Variants in NCAPH observed in about 807,000 individuals in gnomAD.
NCAPH encodes condensin complex subunit 2.
NCAPH carries 38 observed loss-of-function variants against 85.5 expected under a neutral mutation model. The ratio of observed to expected loss-of-function variants is 0.44; its 90% CI spans 0.34 to 0.58. The LOEUF (loss-of-function observed/expected upper bound fraction) is 0.58, where lower values mean the gene tolerates loss of function less well. Ranked by LOEUF, NCAPH falls within the 20% of genes least tolerant of loss-of-function variation. NCAPH has a pLI of 0.01. For synonymous variants in NCAPH, 301 were observed against 335.1 expected, an observed-to-expected ratio of 0.90 and a Z score of 1.11; for missense variants, 789 against 916.6, an observed-to-expected ratio of 0.86 and a Z score of 1.80.
At chr2:96,369,324 C>T in intron 16 of NCAPH, 101 bp from the exon 17 acceptor site, 1 of 1,034,352 alleles carries the variant, frequency 9.7e-7, no homozygotes, top group Non-Finnish European at 1.5e-6. Flanking sequence ...ATTTGTTTCT[C>T]ATTAGTTTAG....
chr2:96,369,188 G>A, intron 16 of NCAPH, 125 bp downstream of exon 16: 1 of 1,066,282 alleles, frequency 9.4e-7, no homozygotes, highest in Non-Finnish European at 1.4e-6. Context: ...TTCTCTCTGT[G>A]TTGACAGATA....
intron 6 of NCAPH, among the ~76,000 whole-genome samples, chr2:96,345,531 T>C (rs144359909): frequency 2.5e-3 from 388 of 152,320 alleles, no homozygotes; most frequent in African/African-American, 9.0e-3. Context: ...AAAGGAGCAG[T>C]GCCTTCTCTC....
chr2:96,350,985 C>T (rs748890979), intron 6 of NCAPH, among the ~76,000 whole-genome samples: 3 of 152,228 alleles, frequency 2.0e-5, no homozygotes, highest in Non-Finnish European at 4.4e-5. Flanking sequence ...GGCTTGGTGT[C>T]ATATGGCCAT....
At chr2:96,343,936 A>C (rs2064329564) in intron 5 of NCAPH, among the ~76,000 whole-genome samples, 169 bp from the exon 6 acceptor site, 1 of 152,168 alleles carries the variant, frequency 6.6e-6, no homozygotes, top group South Asian at 2.1e-4. Flanking sequence ...TCCTGAGCTC[A>C]AGTGATCCGT....
chr2:96,366,647 G>C (rs2064703162), intron 14 of NCAPH, among the ~76,000 whole-genome samples: 1 of 152,150 alleles, frequency 6.6e-6, no homozygotes, highest in South Asian at 2.1e-4. Context: ...GGGAGGCCAA[G>C]GCGGGCAGAT....
intron 6 of NCAPH, among the ~76,000 whole-genome samples, chr2:96,350,859 G>GT (rs763384832): frequency 6.6e-6 from 1 of 152,154 alleles, no homozygotes; most frequent in Non-Finnish European, 1.5e-5. Flanking sequence ...ATACCCAACC[G>GT]TATCTCCTGT....
chr2:96,352,634 T>C (rs1211395632), intron 7 of NCAPH, among the ~76,000 whole-genome samples: 1 of 152,184 alleles, frequency 6.6e-6, no homozygotes, highest in Non-Finnish European at 1.5e-5. Context: ...GTAGCTACAC[T>C]TGGGGTCCCA....
rs1404650218 is a variant in NCAPH, at chr2:96,353,289, C to A, written c.911-17C>A. Reference sequence around the variant, plus strand: ...CCCCCTTCTAATCTCTCTTTGTGATCTTGCTATCCTCTCCAGCGCCCTTGC... The same window carrying A: ...CCCCCTTCTAATCTCTCTTTGTGATATTGCTATCCTCTCCAGCGCCCTTGC... On this transcript the variant is annotated splice_polypyrimidine_tract_variant and intron_variant, in intron 7 of 17. Coordinates refer to ENST00000240423, the MANE Select transcript of NCAPH (RefSeq NM_015341.5). The A allele has an allele frequency of 9.3e-6, 15 of 1,609,372 alleles. No homozygotes were observed. Among genetic ancestry groups the A allele is most frequent in the Non-Finnish European group, 1.2e-5 (14 of 1,175,898 alleles).
At position 96,354,168 on chromosome 2, in the gene NCAPH, C is replaced by G; in HGVS notation, c.1003-15C>G. ...ATAGGAATGAGAATTACAGAACCCT[C>G]TTTTGTCCCTCCAGTCTGTGTCGGC... On this transcript the variant is annotated splice_polypyrimidine_tract_variant and intron_variant, in intron 8 of 17. Coordinates refer to ENST00000240423, the MANE Select transcript of NCAPH (RefSeq NM_015341.5). 2 of 1,610,892 alleles carry G rather than the reference C, an allele frequency of 1.2e-6. No individual in the cohort carries two copies. The highest frequency in any genetic ancestry group is 2.2e-5 in the East Asian group (1 of 44,672).
intron 9 of NCAPH, among the ~76,000 whole-genome samples, chr2:96,357,414 G>A (rs548375463): frequency 1.3e-5 from 2 of 152,296 alleles, no homozygotes; most frequent in African/African-American, 2.4e-5. Flanking sequence ...GGATGCCTGC[G>A]ACATAGCATT....
At chr2:96,361,636 A>G (rs879769520) in intron 12 of NCAPH, among the ~76,000 whole-genome samples, 13 of 151,490 alleles carry the variant, frequency 8.6e-5, no homozygotes, top group Admixed American at 2.0e-4. Flanking sequence ...CGTGTAAACC[A>G]TTCCATTCAC....
chr2:96,345,251 C>T (rs1461901730), intron 6 of NCAPH, among the ~76,000 whole-genome samples: 1 of 152,140 alleles, frequency 6.6e-6, no homozygotes, highest in East Asian at 1.9e-4. Context: ...CACTAATGAG[C>T]TTGGAGTGGG....
intron 1 of NCAPH, among the ~76,000 whole-genome samples, chr2:96,339,992 G>A (rs1483844568): frequency 1.3e-5 from 2 of 152,064 alleles, no homozygotes; most frequent in Non-Finnish European, 1.5e-5. Flanking sequence ...GCGCCATCTC[G>A]GCTCACTACA....
intron 9 of NCAPH, among the ~76,000 whole-genome samples, chr2:96,358,341 C>T (rs921072754): frequency 6.6e-6 from 1 of 152,136 alleles, no homozygotes; most frequent in Non-Finnish European, 1.5e-5. Flanking sequence ...AGGATGGTGA[C>T]GAATGAGGGA....
In NCAPH at chr2:96,376,947, C is replaced by G. The variant is rs1217099188; in HGVS notation, c.*3596C>G. On this transcript the variant is annotated 3_prime_UTR_variant, in exon 18 of 18. Transcript: ENST00000240423. Reference sequence around the variant, plus strand: ...GAATGTAATTGAAAAGAGTAAATGCCTGAGGGGATGGATACCCCATTCTCT... The same window carrying G: ...GAATGTAATTGAAAAGAGTAAATGCGTGAGGGGATGGATACCCCATTCTCT... Among the ~76,000 whole-genome samples the G allele has an allele frequency of 6.6e-6, 1 of 152,114 alleles. No individual in the cohort carries two copies. The highest frequency in any genetic ancestry group is 2.4e-5 in the African/African-American group (1 of 41,496).
chr2:96,356,720 G>A (rs373230197), intron 9 of NCAPH, among the ~76,000 whole-genome samples: 1 of 152,118 alleles, frequency 6.6e-6, no homozygotes, highest in Non-Finnish European at 1.5e-5. Flanking sequence ...CAGACATCAC[G>A]TTACCATCCC....
rs1164268818 is a variant in NCAPH, at chr2:96,359,069, T to C, written c.1233T>C (p.Asp411=). ...SCQEEMISLG[D]GDIRTMCPLL... is the part of the protein sequence containing the mutation. ...GGGAAGAAATGATTTCCCTTGGGGA[T>C]GGAGACATCAGGACCATGTGCCCCC... The change falls in exon 10 of 18, where the codon GAT becomes GAC. Residue 411 remains aspartate, a synonymous_variant. Transcript: ENST00000240423. 6.2e-7 allele frequency: 1 copy of C among 1,614,184 alleles called. No individual in the cohort carries two copies. Among genetic ancestry groups the C allele is most frequent in the South Asian group, 1.1e-5 (1 of 91,080 alleles).
At chr2:96,356,462 G>A (rs761651434) in intron 9 of NCAPH, among the ~76,000 whole-genome samples, 3 of 152,284 alleles carry the variant, frequency 2.0e-5, no homozygotes, top group South Asian at 2.1e-4. Flanking sequence ...AAGATGCTGC[G>A]CCAGGTGCCT....
At chr2:96,344,001 C>G in intron 5 of NCAPH, 104 bp from the exon 6 acceptor site, 2 of 1,438,314 alleles carry the variant, frequency 1.4e-6, no homozygotes, top group Non-Finnish European at 1.9e-6. Flanking sequence ...CACACCTGGC[C>G]TCACATGTTT....
Sources: gnomAD v4.1 joint callset for allele counts (sites outside exome capture counted in the v4.1 genomes callset) on GRCh38, gnomAD v4.1.1 for gene constraint, MANE v1.5 for transcripts, NCBI Gene and HGNC (gene_info 2026-07-23, HGNC 2026-07-21) for gene names.